PI4KA: variants seen among roughly 807,000 people sequenced by gnomAD.
PI4KA encodes the protein PI4-kinase alpha.
A neutral mutation model predicts 271.4 loss-of-function variants in PI4KA; 122 were observed. The observed-to-expected ratio is 0.45, with a 90% CI of 0.39 to 0.52. The LOEUF is 0.52. PI4KA is among the 20% of genes least tolerant of loss of function. The probability of loss-of-function intolerance (pLI) is 0.00; values close to 1 mark genes in which losing one functional copy is unlikely to be tolerated. For missense variants in PI4KA, 1,969 were observed against 2,769.1 expected (o/e 0.71, Z 6.48); for synonymous variants, 1,041 against 1,078.8 (o/e 0.96, Z 0.69).
intron 19 of PI4KA, among the ~76,000 whole-genome samples, chr22:20,770,556 C>A: frequency 7.8e-6 from 1 of 128,620 alleles, no homozygotes; most frequent in East Asian, 2.5e-4. Context: ...ATCGGTTTTG[C>A]TATGTTGCCC....
chr22:20,818,613 T>TA (rs1334272368), intron 6 of PI4KA, 64 bp from the exon 7 acceptor site: 23 of 1,273,658 alleles, frequency 1.8e-5, no homozygotes, highest in East Asian at 2.8e-5. Context: ...AGATTTGTCT[T>TA]AGACAAGGTC....
At chr22:20,763,710 G>A (rs967541954) in intron 22 of PI4KA, among the ~76,000 whole-genome samples, 1 of 152,184 alleles carries the variant, frequency 6.6e-6, no homozygotes, top group African/African-American at 2.4e-5. Flanking sequence ...AAAGTGCTGG[G>A]GTTACAGGTG....
intron 19 of PI4KA, among the ~76,000 whole-genome samples, chr22:20,774,758 CAAAAAA>C (rs361993): frequency 9.3e-6 from 1 of 107,366 alleles, no homozygotes. Flanking sequence ...TAGACTCCGT[CAAAAAA>C]AAAAAAAAAA....
chr22:20,845,724 G>C (rs1926147235), intron 1 of PI4KA, among the ~76,000 whole-genome samples: 1 of 152,190 alleles, frequency 6.6e-6, no homozygotes, highest in Non-Finnish European at 1.5e-5. Flanking sequence ...TTTGAGCTGA[G>C]CGCGGTGGGA....
Position 20,709,931 on chromosome 22 carries a change from G to A in PI4KA, c.6150C>T (p.Arg2050=), listed in dbSNP as rs762692124. 34 of 1,611,938 alleles carry A rather than the reference G, an allele frequency of 2.1e-5. No individual in the cohort carries two copies. The highest frequency in any genetic ancestry group is 7.7e-5 in the South Asian group (7 of 91,040). The change falls in exon 53 of 55, where the codon CGC becomes CGT. Residue 2050 remains arginine (R), a synonymous_variant. Transcript: ENST00000255882. The part of the protein sequence containing the change: ...LMLDTGLPCF[R]GQTIKLLKHR... ...ACTTCAAGAGCTTGATTGTCTGGCC[G>A]CGAAAACAGGGCAGGCCCGTGTCCA... is the stretch of plus-strand genomic sequence containing the variant.
At position 20,805,148 on chromosome 22, in the gene PI4KA, C is replaced by A. The variant is rs142880400; in HGVS notation, c.1186G>T (p.Val396Leu). Residue 396 changes from valine (V) to leucine (L), a missense_variant, in exon 11 of 55, where the codon GTG becomes TTG. Coordinates refer to ENST00000255882, the MANE Select transcript of PI4KA (RefSeq NM_058004.4). ...YYMKDLPTSF[V>L]KEIHDFVLEQ... ...AGCACAAAATCATGGATCTCCTTCA[C>A]AAAAGAGGTCGGGAGGTCTGTAGGA... 12 of 1,613,600 alleles carry A rather than the reference C, an allele frequency of 7.4e-6. No individual in the cohort carries two copies. Among genetic ancestry groups the A allele is most frequent in the Non-Finnish European group, 9.3e-6 (11 of 1,179,784 alleles).
At chr22:20,796,098 G>C (rs778902692) in intron 18 of PI4KA, 48 bp downstream of exon 18, 1 of 1,550,830 alleles carries the variant, frequency 6.4e-7, no homozygotes, top group Non-Finnish European at 8.9e-7. Flanking sequence ...GCCTTGGCCA[G>C]CAGGGATAGG....
intron 52 of PI4KA, chr22:20,710,373 G>A: frequency 1.9e-6 from 1 of 534,828 alleles, no homozygotes; most frequent in Non-Finnish European, 3.4e-6. Context: ...ATGAAACTGG[G>A]ACAAAGCCCA....
chr22:20,717,697 C>T lies in PI4KA; in HGVS notation c.5317+11G>A, dbSNP rs1383719854. On this transcript the variant is annotated intron_variant, in intron 45 of 54. Transcript: ENST00000255882. Reference sequence around the variant, plus strand: ...GAGGTTGGTCTGAGCCTCCAGAAGCCACCTGCTCACCCGGCTGCACCTTCA... The same window carrying T: ...GAGGTTGGTCTGAGCCTCCAGAAGCTACCTGCTCACCCGGCTGCACCTTCA... 2 of 1,567,646 alleles carry T rather than the reference C, an allele frequency of 1.3e-6. No homozygotes were observed. Among genetic ancestry groups the T allele is most frequent in the East Asian group, 2.3e-5 (1 of 42,622 alleles).
At chr22:20,727,899 C>T (rs371490531) in intron 39 of PI4KA, 35 bp from the exon 40 acceptor site, 23 of 1,541,594 alleles carry the variant, frequency 1.5e-5, no homozygotes, top group Admixed American at 3.4e-5. Flanking sequence ...GGTGCTGCCT[C>T]GCCAGGGAAC....
chr22:20,733,817 A>G lies in PI4KA; in HGVS notation c.4079T>C (p.Leu1360Pro). The G allele has an allele frequency of 6.2e-7, 1 of 1,612,242 alleles. No individual in the cohort carries two copies. Among genetic ancestry groups the G allele is most frequent in the Non-Finnish European group, 8.5e-7 (1 of 1,179,860 alleles). The change falls in exon 35 of 55, where the codon CTG becomes CCG. Residue 1360 changes from leucine to proline, a missense_variant. Leu to Pro is a moderately conservative substitution (Grantham distance 98). This residue lies in a region of PI4KA where 72 missense variants were observed against 103.1 expected (regional missense o/e 0.70). Transcript: ENST00000255882. The part of the protein sequence containing the change: ...FKLLTLGLSL[L>P]HADVVPNATI... ...TGCATTTGGAACCACATCGGCATGC[A>G]GGAGGGACAGCCCCAGGGTCAGCAG...
At chr22:20,805,828 A>G (rs1192113291) in intron 10 of PI4KA, among the ~76,000 whole-genome samples, 2 of 117,688 alleles carry the variant, frequency 1.7e-5, no homozygotes, top group Non-Finnish European at 1.8e-5. Context: ...CGAGACTCCC[A>G]TCTCAAAAAA....
At chr22:20,727,480 G>C (rs1486169749) in intron 40 of PI4KA, 83 bp from the exon 41 acceptor site, 5 of 1,298,386 alleles carry the variant, frequency 3.9e-6, no homozygotes, top group Non-Finnish European at 4.2e-6. Context: ...ACACAAGGAC[G>C]GCCATGAGAA....
intron 25 of PI4KA, 83 bp downstream of exon 25, chr22:20,752,815 AATAAT>A: frequency 7.2e-7 from 1 of 1,384,790 alleles, no homozygotes; most frequent in Non-Finnish European, 1.0e-6. Context: ...TTCCTAGATT[AATAAT>A]ATAAGGATGA....
intron 1 of PI4KA, among the ~76,000 whole-genome samples, chr22:20,849,064 G>A (rs1195531678): frequency 6.6e-6 from 1 of 152,162 alleles, no homozygotes; most frequent in Non-Finnish European, 1.5e-5. Context: ...TACCCCAAAA[G>A]AGTGGCTGTT....
intron 37 of PI4KA, 77 bp downstream of exon 37, chr22:20,729,815 G>T (rs1488045376): frequency 3.7e-6 from 6 of 1,600,214 alleles, no homozygotes; most frequent in Non-Finnish European, 4.3e-6. Context: ...TGCTGTCTGA[G>T]CAAGTGTCCA....
Position 20,744,591 on chromosome 22 carries a change from C to A in PI4KA, c.3456+37G>T, listed in dbSNP as rs747954761. 3 of 1,494,808 alleles carry A rather than the reference C, an allele frequency of 2.0e-6. No individual in the cohort carries two copies. The African/African-American group carries it at 4.1e-5, about 21-fold the overall frequency. 92.6% of individuals were successfully genotyped at this position (1,494,808 alleles called of 1,614,324 possible). A position where few individuals can be genotyped will look rare whatever the true frequency, so the allele number is the denominator to read the frequency against. ...CAACAGGCCTCAAAACAAGAGGACA[C>A]GTTAAAGGCCCTAGGGCGCAAGGAC... is the stretch of plus-strand genomic sequence containing the variant. On this transcript the variant is annotated intron_variant, in intron 30 of 54. Transcript: ENST00000255882.
In PI4KA at chr22:20,799,150, G is replaced by C; in HGVS notation, c.1947C>G (p.Pro649=). The C allele has an allele frequency of 6.2e-7, 1 of 1,612,796 alleles. No individual in the cohort carries two copies. Residue 649 remains proline, a synonymous_variant, in exon 16 of 55, where the codon CCC becomes CCG. Transcript: ENST00000255882. The part of the protein sequence containing the change: ...QILQQKFCQP[P]SPLDVLIIDQ... The stretch of plus-strand genomic sequence containing the variant: ...CAATAATCAGCACATCGAGGGGGGA[G>C]GGTGGCTGGCAGAATTTCTGCTGTA...
rs538804531 is a variant in PI4KA at position 20,725,388 on chromosome 22, G to C, written c.4995+1100C>G. ...ACTTTATGTCCATGGATACTGTTAC[G>C]GGCTGAACTGTGTCCCTTCAAATTC... On this transcript the variant is annotated intron_variant, in intron 42 of 54. Coordinates refer to ENST00000255882, the MANE Select transcript of PI4KA (RefSeq NM_058004.4). 3.8e-5 allele frequency: 11 copies of C among 291,200 alleles called. 1 individual carries two copies. Among genetic ancestry groups the C allele is most frequent in the South Asian group, 2.6e-4 (9 of 34,734 alleles). The allele number at this position is 291,200 out of a possible 1,614,324, so 18.0% of individuals were successfully genotyped here.
Sources: allele counts gnomAD v4.1 joint callset (sites outside exome capture counted in the v4.1 genomes callset), GRCh38; gene constraint gnomAD v4.1.1; regional missense constraint gnomAD v4.1.1; transcripts MANE v1.5; gene names NCBI Gene and HGNC (gene_info 2026-07-23, HGNC 2026-07-21).